Variants in FRMD4A observed in about 807,000 individuals in gnomAD.
FRMD4A encodes FERM domain containing 4A.
In FRMD4A, 29 loss-of-function variants were observed where a neutral mutation model predicts 129.1. The observed-to-expected ratio is 0.22, with a 90% CI of 0.17 to 0.31. The LOEUF (loss-of-function observed/expected upper bound fraction) is 0.31. FRMD4A is among the 10% of genes least tolerant of loss of function. The pLI, the probability that FRMD4A is intolerant of heterozygous loss-of-function variation, is 1.00. For missense variants in FRMD4A, 1,272 were observed against 1,375.8 expected (o/e 0.92, Z 1.19); for synonymous variants, 634 against 571.6 (o/e 1.11, Z -1.56).
At chr10:14,134,637 G>A (rs958487605) in intron 2 of FRMD4A, among the ~76,000 whole-genome samples, 2 of 151,772 alleles carry the variant, frequency 1.3e-5, no homozygotes, top group Non-Finnish European at 2.9e-5. Flanking sequence ...ATGGGTGAAT[G>A]GGTGGATGGA....
rs185390608 is a variant in FRMD4A at position 13,877,356 on chromosome 10, G to A, written c.46-18444C>T. Among the ~76,000 whole-genome samples the A allele has an allele frequency of 1.5e-3, 221 of 152,216 alleles. 1 individual carries two copies. The highest frequency in any genetic ancestry group is 2.3e-3 in the Non-Finnish European group (154 of 68,018). ...ATGCTCAGATGCCAAGTCCTGCCAC[G>A]TTTAGCAGGAAGCACTCCACACCGA... On this transcript the variant is annotated intron_variant, in intron 2 of 24. Coordinates refer to ENST00000357447, the MANE Select transcript of FRMD4A (RefSeq NM_018027.5).
At chr10:13,841,692 C>G (rs905293625) in intron 3 of FRMD4A, among the ~76,000 whole-genome samples, 2 of 152,204 alleles carry the variant, frequency 1.3e-5, no homozygotes, top group Non-Finnish European at 2.9e-5. Flanking sequence ...CCTCCCAGGC[C>G]TTATCCAATA....
At chr10:13,887,019 G>T (rs576724418) in intron 2 of FRMD4A, among the ~76,000 whole-genome samples, 1 of 152,184 alleles carries the variant, frequency 6.6e-6, no homozygotes, top group Non-Finnish European at 1.5e-5. Flanking sequence ...CAGACAACAC[G>T]TTTCTTCTTG....
intron 2 of FRMD4A, among the ~76,000 whole-genome samples, chr10:14,020,180 G>A (rs981584561): frequency 3.3e-5 from 5 of 152,138 alleles, no homozygotes; most frequent in African/African-American, 4.8e-5. Flanking sequence ...TTGCAGGTGC[G>A]AGCTTGTGCA....
At chr10:14,185,736 C>T (rs1341330344) in intron 2 of FRMD4A, among the ~76,000 whole-genome samples, 1 of 152,144 alleles carries the variant, frequency 6.6e-6, no homozygotes, top group Non-Finnish European at 1.5e-5. Context: ...GAAGGGATGG[C>T]AACAGCAGTA....
intron 6 of FRMD4A, among the ~76,000 whole-genome samples, chr10:13,774,961 A>AC (rs1554890763): frequency 0.02 from 3,017 of 150,480 alleles, 50 homozygotes; most frequent in Middle Eastern, 0.042. Flanking sequence ...AAAAAAAAAA[A>AC]CAACAAAAAA....
chr10:13,873,456 G>A (rs1197206065), intron 2 of FRMD4A, among the ~76,000 whole-genome samples: 2 of 152,224 alleles, frequency 1.3e-5, no homozygotes, highest in African/African-American at 4.8e-5. Flanking sequence ...GTAGAACAAA[G>A]TGTGTATGAG....
chr10:13,732,162 G>A (rs2090362116), intron 12 of FRMD4A, among the ~76,000 whole-genome samples: 1 of 152,146 alleles, frequency 6.6e-6, no homozygotes, highest in African/African-American at 2.4e-5. Flanking sequence ...CAACCCCCAA[G>A]AGCCTCTAAG....
intron 18 of FRMD4A, 111 bp downstream of exon 18, chr10:13,665,986 G>A (rs941084218): frequency 3.0e-5 from 21 of 696,944 alleles, no homozygotes; most frequent in South Asian, 6.7e-5. Context: ...TGAAGGCAGC[G>A]GACAGTTAGG....
chr10:13,660,582 A>G (rs199801288), intron 19 of FRMD4A, 29 bp from the exon 20 acceptor site: 39 of 1,393,510 alleles, frequency 2.8e-5, no homozygotes, highest in Non-Finnish European at 1.0e-6. Context: ...AGAGGAACTG[A>G]GCCCCGGTCA....
chr10:13,822,636 C>T (rs945263632), intron 3 of FRMD4A, among the ~76,000 whole-genome samples: 1 of 152,162 alleles, frequency 6.6e-6, no homozygotes, highest in African/African-American at 2.4e-5. Flanking sequence ...GCAGAGACTG[C>T]GGTGCTGCAC....
intron 15 of FRMD4A, among the ~76,000 whole-genome samples, chr10:13,683,165 G>A (rs549794157): frequency 3.9e-5 from 6 of 152,104 alleles, no homozygotes; most frequent in Non-Finnish European, 7.4e-5. Context: ...ATTACAGCGC[G>A]CCACAACGCC....
intron 3 of FRMD4A, among the ~76,000 whole-genome samples, chr10:13,828,521 T>C (rs1484823626): frequency 4.6e-5 from 2 of 43,954 alleles, no homozygotes; most frequent in Admixed American, 3.0e-4. Context: ...CCATGTTTTC[T>C]TCTTTCTTTC....
At chr10:14,143,808 T>G (rs1839951959) in intron 2 of FRMD4A, among the ~76,000 whole-genome samples, 1 of 152,022 alleles carries the variant, frequency 6.6e-6, no homozygotes, top group Non-Finnish European at 1.5e-5. Context: ...GAGATGGGGT[T>G]TCGTTGACCA....
At chr10:14,055,673 A>T (rs560000658) in intron 2 of FRMD4A, among the ~76,000 whole-genome samples, 2 of 152,274 alleles carry the variant, frequency 1.3e-5, no homozygotes, top group Non-Finnish European at 2.9e-5. Context: ...CTTTTATGTA[A>T]TTGAAAATTG....
intron 2 of FRMD4A, among the ~76,000 whole-genome samples, chr10:13,976,519 G>A (rs1019995737): frequency 2.7e-5 from 4 of 150,714 alleles, no homozygotes; most frequent in East Asian, 2.0e-4. Flanking sequence ...CCAGACCCTC[G>A]TTCACTGCTT....
chr10:13,861,394 T>C (rs1229077500), intron 2 of FRMD4A, among the ~76,000 whole-genome samples: 1 of 152,204 alleles, frequency 6.6e-6, no homozygotes, highest in Non-Finnish European at 1.5e-5. Context: ...AGTCATCCCA[T>C]ATTTCCATCA....
Position 14,000,638 on chromosome 10 carries a change from C to T in FRMD4A, c.46-141726G>A, listed in dbSNP as rs185716298. Among the ~76,000 whole-genome samples, 76 of 32,438 alleles carry T rather than the reference C, an allele frequency of 2.3e-3. No homozygotes were observed. In the East Asian group the frequency reaches 0.037, roughly 16 times the overall value. The allele number at this position is 32,438 out of a possible 152,430, so 21.3% of individuals were successfully genotyped here. A position where few individuals can be genotyped will look rare whatever the true frequency, so the allele number is the denominator to read the frequency against. On this transcript the variant is annotated intron_variant, in intron 2 of 24. Coordinates refer to ENST00000357447, the MANE Select transcript of FRMD4A (RefSeq NM_018027.5). Reference sequence around the variant, plus strand: ...CTCCAGCCTGGGTGACAGAGCAAGACGCCACCTCAAAAAAAAAAAAAAAAA... The same window carrying T: ...CTCCAGCCTGGGTGACAGAGCAAGATGCCACCTCAAAAAAAAAAAAAAAAA...
At chr10:14,055,013 G>A (rs12241321) in intron 2 of FRMD4A, among the ~76,000 whole-genome samples, 18,589 of 152,050 alleles carry the variant, frequency 0.12, 1,580 homozygotes, top group African/African-American at 0.23. Flanking sequence ...TTATAGCAGT[G>A]TGAGAATGGA....
Sources: allele counts gnomAD v4.1 joint callset (sites outside exome capture counted in the v4.1 genomes callset), GRCh38; gene constraint gnomAD v4.1.1; transcripts MANE v1.5; gene names NCBI Gene and HGNC (gene_info 2026-07-23, HGNC 2026-07-21).